PTPRD: variants seen among roughly 807,000 people sequenced by gnomAD.
PTPRD encodes protein tyrosine phosphatase receptor type D, also known as receptor-type tyrosine-protein phosphatase delta.
In PTPRD, 34 loss-of-function variants were observed where a neutral mutation model predicts 214.5. The observed-to-expected ratio is 0.16, with a 90% CI of 0.12 to 0.21. PTPRD has a LOEUF of 0.21. Among genes scored for constraint, PTPRD ranks in the 10% least tolerant of loss-of-function variants. PTPRD has a pLI of 1.00. For missense variants in PTPRD, 2,545 were observed against 2,398.7 expected (o/e 1.06, Z -1.27); for synonymous variants, 1,128 against 845.7 (o/e 1.33, Z -5.79).
chr9:10,375,996 T>C (rs1321801095), intron 2 of PTPRD, among the ~76,000 whole-genome samples: 2 of 152,002 alleles, frequency 1.3e-5, no homozygotes, highest in Non-Finnish European at 2.9e-5. Context: ...TGCCTTTTGT[T>C]ATAATGTCAT....
intron 11 of PTPRD, among the ~76,000 whole-genome samples, chr9:8,932,862 C>T (rs1004332617): frequency 1.3e-5 from 2 of 152,030 alleles, no homozygotes; most frequent in African/African-American, 2.4e-5. Flanking sequence ...CTTCCGTCGC[C>T]TTTCCAGGGG....
chr9:8,450,232 A>G (rs1269382059), intron 33 of PTPRD, among the ~76,000 whole-genome samples: 1 of 152,186 alleles, frequency 6.6e-6, no homozygotes, highest in Non-Finnish European at 1.5e-5. Context: ...GTTACCATAG[A>G]GAAACTACCT....
intron 3 of PTPRD, among the ~76,000 whole-genome samples, chr9:10,244,415 A>G (rs1366277260): frequency 2.6e-5 from 4 of 152,168 alleles, no homozygotes; most frequent in African/African-American, 9.6e-5. Context: ...TGCTGAATGC[A>G]TCTTTACAAG....
chr9:10,521,547 G>T (rs545726061), intron 2 of PTPRD, among the ~76,000 whole-genome samples: 142 of 152,292 alleles, frequency 9.3e-4, no homozygotes, highest in Middle Eastern at 3.4e-3. Context: ...GTCTACTATA[G>T]TCAAAGTGCC....
At chr9:9,232,804 C>A (rs1021324060) in intron 9 of PTPRD, among the ~76,000 whole-genome samples, 10 of 152,098 alleles carry the variant, frequency 6.6e-5, no homozygotes, top group Non-Finnish European at 1.5e-4. Flanking sequence ...TAGCCTCAGA[C>A]CCACGATCCC....
chr9:9,956,627 T>C (rs1419431210), intron 4 of PTPRD, among the ~76,000 whole-genome samples: 1 of 152,128 alleles, frequency 6.6e-6, no homozygotes, highest in Non-Finnish European at 1.5e-5. Context: ...TCTTCACAAA[T>C]AGCTATTTCA....
At position 9,712,706 on chromosome 9, in the gene PTPRD, T is replaced by A. The variant is rs75190177; in HGVS notation, c.-287+21827A>T. Among the ~76,000 whole-genome samples the A allele has an allele frequency of 7.9e-3, 1,198 of 152,308 alleles. 12 individuals are homozygous for A. The highest frequency in any genetic ancestry group is 0.026 in the African/African-American group (1,089 of 41,576). On this transcript the variant is annotated intron_variant, in intron 7 of 45. Coordinates refer to ENST00000381196, the MANE Select transcript of PTPRD (RefSeq NM_002839.4). The stretch of plus-strand genomic sequence containing the variant: ...TAGGCTGACAAAAGTTCTCTTAGTT[T>A]ATCCATTGGTCTCAGAATAATGCAG...
intron 8 of PTPRD, among the ~76,000 whole-genome samples, chr9:9,413,121 T>C: frequency 7.7e-6 from 1 of 129,110 alleles, no homozygotes; most frequent in African/African-American, 2.9e-5. Flanking sequence ...TTTTTTTTTT[T>C]TTTTGAGACG....
intron 7 of PTPRD, among the ~76,000 whole-genome samples, chr9:9,596,199 A>T (rs757104466): frequency 1.3e-5 from 2 of 152,016 alleles, no homozygotes; most frequent in African/African-American, 2.4e-5. Context: ...ATGTGTCAAA[A>T]TGCCAAACTT....
intron 9 of PTPRD, among the ~76,000 whole-genome samples, chr9:9,261,467 G>C (rs2099980078): frequency 6.6e-6 from 1 of 151,800 alleles, no homozygotes; most frequent in African/African-American, 2.4e-5. Context: ...TAATGGGAGA[G>C]ACAATAAAAA....
intron 11 of PTPRD, among the ~76,000 whole-genome samples, chr9:8,977,127 A>G (rs889498375): frequency 2.6e-5 from 4 of 152,084 alleles, no homozygotes; most frequent in African/African-American, 7.2e-5. Flanking sequence ...TGTGCTGGTA[A>G]TATCTCTGAT....
intron 2 of PTPRD, among the ~76,000 whole-genome samples, chr9:10,532,939 C>A (rs534628166): frequency 6.1e-4 from 93 of 151,906 alleles, no homozygotes; most frequent in Non-Finnish European, 9.4e-4. Context: ...ATACATGATT[C>A]CCAGTGTGGC....
chr9:9,965,731 C>A (rs1348261984), intron 4 of PTPRD, among the ~76,000 whole-genome samples: 2 of 152,118 alleles, frequency 1.3e-5, no homozygotes, highest in Non-Finnish European at 2.9e-5. Context: ...GTGTTGTAAG[C>A]CCCTCCACTC....
intron 2 of PTPRD, among the ~76,000 whole-genome samples, chr9:10,412,094 G>T (rs2098441598): frequency 6.6e-6 from 1 of 151,716 alleles, no homozygotes; most frequent in Non-Finnish European, 1.5e-5. Context: ...AAACTCTGCA[G>T]TGCATTAGAA....
At chr9:8,812,247 T>A (rs10977305) in intron 11 of PTPRD, among the ~76,000 whole-genome samples, 1 of 152,218 alleles carries the variant, frequency 6.6e-6, no homozygotes, top group Non-Finnish European at 1.5e-5. Context: ...ATTATATATA[T>A]GCACAGATAG....
chr9:10,575,084 CA>C (rs2068775950), intron 2 of PTPRD, among the ~76,000 whole-genome samples: 1 of 151,680 alleles, frequency 6.6e-6, no homozygotes, highest in Non-Finnish European at 1.5e-5. Context: ...GCAGTATGAC[CA>C]ACATCCTTTA....
At chr9:9,634,834 C>A (rs2095706352) in intron 7 of PTPRD, among the ~76,000 whole-genome samples, 1 of 152,278 alleles carries the variant, frequency 6.6e-6, no homozygotes, top group Non-Finnish European at 1.5e-5. Context: ...CCAATTCCCA[C>A]AGAGCAGGGA....
At chr9:10,445,930 G>C (rs901261012) in intron 2 of PTPRD, among the ~76,000 whole-genome samples, 2 of 151,990 alleles carry the variant, frequency 1.3e-5, no homozygotes, top group Non-Finnish European at 2.9e-5. Flanking sequence ...TTTGCTTGTT[G>C]GTTTCTTATA....
chr9:8,454,557 G>T lies in PTPRD; in HGVS notation c.3876-4720C>A, dbSNP rs1267305668. 5 of 1,612,658 alleles carry T rather than the reference G, an allele frequency of 3.1e-6. No individual in the cohort carries two copies. The Admixed American group carries it at 8.3e-5, about 27-fold the overall frequency. ...TATTTTTTTCTTACTGAACATTAAAGGGGTTTGTTCTCTATTCCTCACCTG... is the reference window on the plus strand; with the variant it reads ...TATTTTTTTCTTACTGAACATTAAATGGGTTTGTTCTCTATTCCTCACCTG... On this transcript the variant is annotated intron_variant, in intron 33 of 45. Coordinates refer to ENST00000381196, the MANE Select transcript of PTPRD (RefSeq NM_002839.4).
Sources: gnomAD v4.1 joint callset for allele counts (sites outside exome capture counted in the v4.1 genomes callset) on GRCh38, gnomAD v4.1.1 for gene constraint, MANE v1.5 for transcripts, NCBI Gene and HGNC (gene_info 2026-07-23, HGNC 2026-07-21) for gene names.